The following PIKFYVE variants were observed in gnomAD, a reference collection of about 807,000 sequenced individuals.
The protein encoded by PIKFYVE is phosphoinositide kinase, FYVE-type zinc finger containing, also known as 1-phosphatidylinositol 3-phosphate 5-kinase.
A neutral mutation model predicts 257.9 loss-of-function variants in PIKFYVE; 122 were observed. The ratio of observed to expected loss-of-function variants is 0.47; its 90% CI spans 0.41 to 0.55. PIKFYVE has a LOEUF of 0.55. Ranked by LOEUF, PIKFYVE falls within the 20% of genes least tolerant of loss-of-function variation. PIKFYVE has a pLI of 0.00. For missense variants in PIKFYVE, 2,160 were observed against 2,536.6 expected (o/e 0.85, Z 3.19); for synonymous variants, 892 against 868.9 (o/e 1.03, Z -0.47).
Position 208,333,366 on chromosome 2 carries a change from A to G in PIKFYVE, c.4015A>G (p.Lys1339Glu), listed in dbSNP as rs1697775364. 6.2e-7 allele frequency: 1 copy of G among 1,614,178 alleles called. No individual in the cohort carries two copies. Among genetic ancestry groups the G allele is most frequent in the Non-Finnish European group, 8.5e-7 (1 of 1,180,036 alleles). The change falls in exon 24 of 42, where the codon AAA becomes GAA. Residue 1339 changes from lysine to glutamate, a missense_variant. This residue lies in a region of PIKFYVE where 699 missense variants were observed against 855.8 expected (regional missense o/e 0.82). Transcript: ENST00000264380. ...SNESWSMSFAKYLELRFYGHQ... is the reference protein window; with the variant it reads ...SNESWSMSFAEYLELRFYGHQ... Reference sequence around the variant, plus strand: ...TGAGTCCTGGTCTATGTCATTTGCAAAATACCTTGAACTTAGGTTTTATGG... The same window carrying G: ...TGAGTCCTGGTCTATGTCATTTGCAGAATACCTTGAACTTAGGTTTTATGG...
Position 208,302,314 on chromosome 2 carries a change from G to A in PIKFYVE, c.1281G>A (p.Gln427=). 1.2e-6 allele frequency: 2 copies of A among 1,614,122 alleles called. No individual in the cohort carries two copies. The highest frequency in any genetic ancestry group is 1.7e-6 in the Non-Finnish European group (2 of 1,179,990). The change falls in exon 10 of 42, where the codon CAG becomes CAA. Residue 427 remains glutamine (Q), a synonymous_variant. Coordinates refer to ENST00000264380, the MANE Select transcript of PIKFYVE (RefSeq NM_015040.4). ...RWLDCVSHHD[Q]LFRDEYALYR... ...TGGATTGTGTTAGTCATCACGACCA[G>A]CTTTTCAGAGATGAGTATGCGCTGT...
intron 17 of PIKFYVE, among the ~76,000 whole-genome samples, chr2:208,322,486 A>G (rs1415074698): frequency 2.0e-5 from 3 of 149,146 alleles, no homozygotes; most frequent in African/African-American, 7.4e-5. Flanking sequence ...AGCTAATTGG[A>G]TTCTTGGCTT....
At chr2:208,323,163 G>T (rs1214065061) in intron 17 of PIKFYVE, among the ~76,000 whole-genome samples, 1 of 150,688 alleles carries the variant, frequency 6.6e-6, no homozygotes, top group Non-Finnish European at 1.5e-5. Context: ...ACAATGTGCA[G>T]GTTAGTTACA....
At chr2:208,291,633 T>C (rs1482581229) in intron 7 of PIKFYVE, among the ~76,000 whole-genome samples, 1 of 152,168 alleles carries the variant, frequency 6.6e-6, no homozygotes, top group Non-Finnish European at 1.5e-5. Context: ...TTACCAGTTA[T>C]TGATTCAATT....
At chr2:208,321,867 A>G (rs546104290) in intron 17 of PIKFYVE, among the ~76,000 whole-genome samples, 1 of 152,312 alleles carries the variant, frequency 6.6e-6, no homozygotes, top group South Asian at 2.1e-4. Flanking sequence ...GTGAGCCACA[A>G]TATTCATTTC....
intron 11 of PIKFYVE, 67 bp from the exon 12 acceptor site, chr2:208,304,778 AC>A: frequency 1.4e-6 from 2 of 1,459,522 alleles, no homozygotes; most frequent in South Asian, 2.3e-5. Flanking sequence ...TTCCTCCAAT[AC>A]CCTGATAAAA....
chr2:208,284,735 T>C (rs917083582), intron 5 of PIKFYVE, among the ~76,000 whole-genome samples: 5 of 152,222 alleles, frequency 3.3e-5, no homozygotes, highest in African/African-American at 1.2e-4. Flanking sequence ...ATGGAAAATA[T>C]GTTGTTTCCA....
intron 7 of PIKFYVE, among the ~76,000 whole-genome samples, chr2:208,289,208 A>C (rs886187403): frequency 3.3e-5 from 5 of 152,228 alleles, no homozygotes; most frequent in Admixed American, 6.5e-5. Context: ...GAGCAGTCTT[A>C]GAGTTAATTA....
intron 12 of PIKFYVE, among the ~76,000 whole-genome samples, chr2:208,309,673 A>G (rs1574557910): frequency 6.6e-6 from 1 of 152,234 alleles, no homozygotes; most frequent in East Asian, 1.9e-4. Context: ...TTTATTTTGC[A>G]TATGGCTGAA....
At chr2:208,286,339 T>G (rs566023098) in intron 6 of PIKFYVE, among the ~76,000 whole-genome samples, 36 of 152,248 alleles carry the variant, frequency 2.4e-4, no homozygotes, top group Non-Finnish European at 4.6e-4. Context: ...ACAATATGTA[T>G]TCATATTTCC....
At chr2:208,316,559 G>C (rs1695544323) in intron 15 of PIKFYVE, among the ~76,000 whole-genome samples, 1 of 152,080 alleles carries the variant, frequency 6.6e-6, no homozygotes, top group East Asian at 1.9e-4. Flanking sequence ...ACTTTTTAAT[G>C]ATTGCCATTC....
chr2:208,325,402 A>G lies in PIKFYVE; in HGVS notation c.2591A>G (p.Tyr864Cys), dbSNP rs147128074. 16 of 1,614,184 alleles carry G rather than the reference A, an allele frequency of 9.9e-6. No homozygotes were observed. The South Asian group carries it at 1.6e-4, about 17-fold the overall frequency. The part of the protein sequence containing the change: ...EILIFMICVA[Y>C]HSQLEISFLM... The stretch of plus-strand genomic sequence containing the variant: ...CTAATATTTATGATCTGTGTTGCTT[A>G]TCATTCTCAACTAGAAATATCCTTT... Residue 864 changes from tyrosine (Y) to cysteine (C), a missense_variant, in exon 20 of 42, where the codon TAT (tyrosine) becomes TGT (cysteine). Tyr to Cys is a radical substitution (Grantham distance 194). Coordinates refer to ENST00000264380, the MANE Select transcript of PIKFYVE (RefSeq NM_015040.4).
At chr2:208,283,998 AGT>A (rs1414134320) in intron 5 of PIKFYVE, among the ~76,000 whole-genome samples, 5 of 152,230 alleles carry the variant, frequency 3.3e-5, no homozygotes, top group Admixed American at 2.6e-4. Flanking sequence ...AACTTTTAGA[AGT>A]CTTTTATTTT....
chr2:208,317,760 G>T, intron 15 of PIKFYVE, 107 bp from the exon 16 acceptor site: 2 of 1,066,078 alleles, frequency 1.9e-6, no homozygotes, highest in Non-Finnish European at 1.4e-6. Flanking sequence ...GTTCTTATTT[G>T]ATTACATAAT....
chr2:208,348,344 A>G (rs1699430466), intron 35 of PIKFYVE, among the ~76,000 whole-genome samples: 1 of 152,196 alleles, frequency 6.6e-6, no homozygotes, highest in South Asian at 2.1e-4. Context: ...TATGTAACTC[A>G]TATTATATAC....
At chr2:208,298,162 G>C (rs1693218742) in intron 7 of PIKFYVE, among the ~76,000 whole-genome samples, 1 of 152,126 alleles carries the variant, frequency 6.6e-6, no homozygotes, top group Non-Finnish European at 1.5e-5. Flanking sequence ...AGAGGAAGAA[G>C]GCTAGATTTG....
chr2:208,338,450 A>T (rs1217347474), intron 28 of PIKFYVE, 58 bp from the exon 29 acceptor site: 13 of 1,553,678 alleles, frequency 8.4e-6, no homozygotes, highest in Admixed American at 3.4e-5. Context: ...GGATTAAAAA[A>T]TTTTTTGAAT....
At chr2:208,335,091 A>G (rs1697986917) in intron 24 of PIKFYVE, among the ~76,000 whole-genome samples, 1 of 152,206 alleles carries the variant, frequency 6.6e-6, no homozygotes, top group African/African-American at 2.4e-5. Context: ...TGATGGTACT[A>G]CAGCATAATG....
intron 7 of PIKFYVE, among the ~76,000 whole-genome samples, chr2:208,293,158 C>T (rs577860859): frequency 6.7e-6 from 1 of 150,338 alleles, no homozygotes; most frequent in African/African-American, 2.4e-5. Flanking sequence ...TCAAATAATA[C>T]TATACTACTT....
Sources: gnomAD v4.1 joint callset for allele counts (sites outside exome capture counted in the v4.1 genomes callset) on GRCh38, gnomAD v4.1.1 for gene constraint, gnomAD v4.1.1 regional missense constraint, MANE v1.5 for transcripts, NCBI Gene and HGNC (gene_info 2026-07-23, HGNC 2026-07-21) for gene names.